Variants in GRIK3 observed in about 807,000 individuals in gnomAD.
GRIK3 encodes glutamate ionotropic receptor kainate type subunit 3.
In GRIK3, 29 loss-of-function variants were observed where a neutral mutation model predicts 102.5. The ratio of observed to expected loss-of-function variants is 0.28; its 90% CI spans 0.21 to 0.39. GRIK3 has a LOEUF of 0.39. Among genes scored for constraint, GRIK3 ranks in the 10% least tolerant of loss-of-function variants. The pLI is 1.00. For missense variants in GRIK3, 908 were observed against 1,252.4 expected (o/e 0.73, Z 4.15); for synonymous variants, 511 against 504.9 (o/e 1.01, Z -0.16).
chr1:36,968,385 G>C (rs764356362), intron 1 of GRIK3, among the ~76,000 whole-genome samples: 17 of 152,022 alleles, frequency 1.1e-4, no homozygotes, highest in Non-Finnish European at 2.4e-4. Context: ...ATAACTGGTG[G>C]CCATTGGGAG....
Position 37,034,270 on chromosome 1 carries a change from A to C in GRIK3, c.-162T>G, listed in dbSNP as rs1642863244. ...GGGGGCGCCCCGCGGCGCCGCGCAC[A>C]TCTTACTGGGGGGCCGCCCCGCCGG... On this transcript the variant is annotated 5_prime_UTR_variant, in exon 1 of 16. An upstream start codon of the reference 5' UTR is lost. Coordinates refer to ENST00000373091, the MANE Select transcript of GRIK3 (RefSeq NM_000831.4). The C allele has an allele frequency of 6.6e-6, 1 of 152,134 alleles. No homozygotes were observed. The highest frequency in any genetic ancestry group is 1.4e-5 in the Non-Finnish European group (1 of 69,506). The allele number at this position is 152,134 out of a possible 1,614,324, so 9.4% of individuals were successfully genotyped here. A position where few individuals can be genotyped will look rare whatever the true frequency, so the allele number is the denominator to read the frequency against.
rs114906476 is a variant in GRIK3, at chr1:36,955,532, C to T, written c.116-64436G>A. Among the ~76,000 whole-genome samples, 1,404 of 152,286 alleles carry T rather than the reference C, an allele frequency of 9.2e-3. 18 individuals carry two copies. Among genetic ancestry groups the T allele is most frequent in the African/African-American group, 0.031 (1,299 of 41,558 alleles). On this transcript the variant is annotated intron_variant, in intron 1 of 15. Coordinates refer to ENST00000373091, the MANE Select transcript of GRIK3 (RefSeq NM_000831.4). ...GACACAGCACACACAGACATACCCC[C>T]GCCCCCGGAGAACACGCATGCACAC...
At chr1:36,821,350 G>C (rs958335674) in intron 11 of GRIK3, among the ~76,000 whole-genome samples, 6 of 152,230 alleles carry the variant, frequency 3.9e-5, no homozygotes, top group Non-Finnish European at 8.8e-5. Flanking sequence ...GCTATTGTGA[G>C]AAGGGTTTTT....
At chr1:36,961,788 C>G (rs1642012957) in intron 1 of GRIK3, among the ~76,000 whole-genome samples, 1 of 152,238 alleles carries the variant, frequency 6.6e-6, no homozygotes, top group Admixed American at 6.5e-5. Flanking sequence ...TGTTCTCCAG[C>G]CCACCTTATC....
intron 1 of GRIK3, among the ~76,000 whole-genome samples, chr1:36,998,992 GTGTGTGTGTGTGTGTA>G (rs1436795783): frequency 1.1e-3 from 133 of 121,378 alleles, no homozygotes; most frequent in Admixed American, 1.4e-3. Context: ...GTGTGTGTGT[GTGTGTGTGTGTGTGTA>G]TGTGTGTGTG....
chr1:36,887,768 AAAAAT>A (rs1246553901), intron 2 of GRIK3, among the ~76,000 whole-genome samples: 32 of 107,488 alleles, frequency 3.0e-4, no homozygotes, highest in African/African-American at 9.3e-4. Context: ...AAAAAAAAAA[AAAAAT>A]ATATATATAT....
chr1:36,823,472 CAAAAAAA>C (rs71053954), intron 11 of GRIK3, among the ~76,000 whole-genome samples: 8 of 38,092 alleles, frequency 2.1e-4, no homozygotes, highest in Non-Finnish European at 2.0e-4. Context: ...GACTCCGTCT[CAAAAAAA>C]AAAAAAAAAA....
chr1:36,805,460 G>C (rs887422793), intron 14 of GRIK3, among the ~76,000 whole-genome samples: 16 of 152,232 alleles, frequency 1.1e-4, no homozygotes, highest in African/African-American at 3.9e-4. Flanking sequence ...ATCAGTCCCT[G>C]TGGGCTCCCT....
At chr1:37,024,945 A>G (rs1642752094) in intron 1 of GRIK3, among the ~76,000 whole-genome samples, 2 of 152,052 alleles carry the variant, frequency 1.3e-5, no homozygotes, top group African/African-American at 4.8e-5. Flanking sequence ...ATCTGCTATT[A>G]TTCTCATTTT....
chr1:37,018,300 T>C (rs1346421901), intron 1 of GRIK3, among the ~76,000 whole-genome samples: 1 of 152,224 alleles, frequency 6.6e-6, no homozygotes, highest in East Asian at 1.9e-4. Flanking sequence ...TCCCAAGGCA[T>C]CTTACTGAAT....
At chr1:36,980,272 C>T (rs1187783149) in intron 1 of GRIK3, among the ~76,000 whole-genome samples, 1 of 152,116 alleles carries the variant, frequency 6.6e-6, no homozygotes, top group Non-Finnish European at 1.5e-5. Context: ...CCAAAGTCTA[C>T]AGAGCGCCGT....
chr1:36,912,981 C>G (rs1641362095), intron 1 of GRIK3, among the ~76,000 whole-genome samples: 1 of 152,200 alleles, frequency 6.6e-6, no homozygotes, highest in South Asian at 2.1e-4. Context: ...CAGGAGGACA[C>G]TAGCTCCTGC....
At chr1:37,002,063 G>A (rs1225243110) in intron 1 of GRIK3, among the ~76,000 whole-genome samples, 1 of 152,178 alleles carries the variant, frequency 6.6e-6, no homozygotes, top group Non-Finnish European at 1.5e-5. Context: ...AGCATCCAAA[G>A]GGGAGTGTAC....
chr1:36,898,886 T>C (rs1641202520), intron 1 of GRIK3, among the ~76,000 whole-genome samples: 1 of 152,164 alleles, frequency 6.6e-6, no homozygotes, highest in African/African-American at 2.4e-5. Flanking sequence ...CTCACATGTA[T>C]GGTTAAATGA....
At chr1:36,904,275 C>T (rs1366159278) in intron 1 of GRIK3, among the ~76,000 whole-genome samples, 3 of 152,208 alleles carry the variant, frequency 2.0e-5, no homozygotes, top group Admixed American at 2.0e-4. Context: ...AGGTGTGCAT[C>T]GACATGCCGA....
At chr1:36,931,552 G>A (rs1641589383) in intron 1 of GRIK3, among the ~76,000 whole-genome samples, 3 of 152,168 alleles carry the variant, frequency 2.0e-5, no homozygotes, top group African/African-American at 4.8e-5. Context: ...TGAGGATATG[G>A]ACAATGACTG....
intron 2 of GRIK3, among the ~76,000 whole-genome samples, chr1:36,882,921 C>T (rs1236995866): frequency 1.3e-5 from 2 of 152,212 alleles, no homozygotes; most frequent in South Asian, 2.1e-4. Flanking sequence ...CAGTTGCAAC[C>T]ATCGGAGATC....
intron 1 of GRIK3, among the ~76,000 whole-genome samples, chr1:37,019,388 C>T (rs551187410): frequency 8.5e-5 from 13 of 152,276 alleles, no homozygotes; most frequent in African/African-American, 9.6e-5. Flanking sequence ...CCTGCCAACT[C>T]GACTGTGCGA....
chr1:36,872,264 T>C lies in GRIK3; in HGVS notation c.656A>G (p.Lys219Arg). The C allele has an allele frequency of 6.2e-7, 1 of 1,613,136 alleles. No homozygotes were observed. The highest frequency in any genetic ancestry group is 8.5e-7 in the Non-Finnish European group (1 of 1,179,554). The change falls in exon 4 of 16, where the codon AAG becomes AGG. Residue 219 changes from lysine to arginine, a missense_variant. Lys to Arg is a conservative substitution (Grantham distance 26). Transcript: ENST00000373091. This position sits in a 1 kb window ranked among gnomAD's most constrained non-coding sequence, Gnocchi z 5.9. ...GAATTCCCGGCCTCGCTTCATCTCC[T>C]TGAGCAAGGGGCGCGAGTCGTCAGA... is the stretch of plus-strand genomic sequence containing the variant. ...IDSDDSRPLL[K>R]EMKRGREFRI...
Sources: allele counts gnomAD v4.1 joint callset (sites outside exome capture counted in the v4.1 genomes callset), GRCh38; gene constraint gnomAD v4.1.1; non-coding constraint Gnocchi (gnomAD v3.1); transcripts MANE v1.5; gene names NCBI Gene and HGNC (gene_info 2026-07-23, HGNC 2026-07-21).